FAAH2: variants seen among roughly 807,000 people sequenced by gnomAD.
FAAH2 encodes the protein fatty acid amide hydrolase 2, also known as fatty-acid amide hydrolase 2.
Under a neutral mutation model 36.9 loss-of-function variants are expected in FAAH2, and 60 were observed. The observed-to-expected ratio is 1.63, with a 90% CI of 1.32 to 2.02. The LOEUF (loss-of-function observed/expected upper bound fraction) is 2.02, where lower values mean the gene tolerates loss of function less well. Among genes scored for constraint, FAAH2 ranks in the 30% most tolerant of loss-of-function variants. FAAH2 has a pLI of 0.00. For missense variants in FAAH2, 689 were observed against 397.5 expected, an observed-to-expected ratio of 1.73 and a Z score of -6.23; for synonymous variants, 214 against 143.8, an observed-to-expected ratio of 1.49 and a Z score of -3.49.
the FAAH2 span, among the ~76,000 whole-genome samples, chrX:57,230,745 T>G: frequency 9.0e-6 from 1 of 111,445 alleles, no homozygotes. Flanking sequence ...GATCCCTTAT[T>G]ATGAGGACCT....
At chrX:57,479,560 C>T (rs779028957) in intron 10 of FAAH2, among the ~76,000 whole-genome samples, 2 of 111,448 alleles carry the variant, frequency 1.8e-5, no homozygotes, top group South Asian at 3.8e-4. Flanking sequence ...GCATCCCTGT[C>T]TTGTGCCAGT....
At chrX:57,481,053 T>G (rs1404350379) in intron 10 of FAAH2, among the ~76,000 whole-genome samples, 1 of 110,394 alleles carries the variant, frequency 9.1e-6, no homozygotes, top group Non-Finnish European at 1.9e-5. Flanking sequence ...TACTTTTGTA[T>G]GCTTCACGAA....
chrX:57,407,811 T>C (rs1006941794), intron 7 of FAAH2, among the ~76,000 whole-genome samples: 5 of 112,128 alleles, frequency 4.5e-5, no homozygotes, highest in African/African-American at 1.6e-4. Flanking sequence ...CGATCCATTT[T>C]GAGATGATTT....
the FAAH2 span, among the ~76,000 whole-genome samples, chrX:57,208,114 G>A: frequency 9.7e-3 from 1,092 of 112,485 alleles, 43 homozygotes; most frequent in Admixed American, 0.082. Context: ...GAGAGCGGTC[G>A]CTCGAGGCAC....
intron 7 of FAAH2, among the ~76,000 whole-genome samples, chrX:57,401,827 TG>T (rs1188233954): frequency 2.7e-5 from 3 of 111,462 alleles, no homozygotes; most frequent in Non-Finnish European, 3.8e-5. Flanking sequence ...CCTTCTCCTA[TG>T]TTCAGGTGTA....
the FAAH2 span, among the ~76,000 whole-genome samples, chrX:57,263,009 T>C: frequency 1.8e-5 from 2 of 111,438 alleles, no homozygotes; most frequent in East Asian, 5.6e-4. Context: ...TCACACATAA[T>C]GGTAAAAGTG....
At chrX:57,278,419 G>C in the FAAH2 span, among the ~76,000 whole-genome samples, 1 of 110,875 alleles carries the variant, frequency 9.0e-6, no homozygotes, top group South Asian at 3.8e-4. Context: ...CCTTATAGAA[G>C]AACTAATTCA....
intron 10 of FAAH2, among the ~76,000 whole-genome samples, chrX:57,475,622 A>G (rs778349533): frequency 5.4e-5 from 6 of 111,971 alleles, no homozygotes; most frequent in Non-Finnish European, 1.1e-4. Flanking sequence ...TAAGTCAGGT[A>G]GCATGATTCC....
chrX:57,166,266 G>A, the FAAH2 span, among the ~76,000 whole-genome samples: 1 of 111,411 alleles, frequency 9.0e-6, no homozygotes. Context: ...CCAAGCCCAT[G>A]TGGGATCCGA....
Position 57,447,034 on chromosome X carries a change from C to T in FAAH2, c.1223C>T (p.Ser408Phe). 8.6e-7 allele frequency: 1 copy of T among 1,166,942 alleles called. No individual in the cohort carries two copies. Among genetic ancestry groups the T allele is most frequent in the African/African-American group, 1.8e-5 (1 of 56,808 alleles). Residue 408 changes from serine to phenylalanine, a missense_variant, in exon 9 of 11, where the codon TCC becomes TTC. Coordinates refer to ENST00000374900, the MANE Select transcript of FAAH2 (RefSeq NM_174912.4). The part of the protein sequence containing the change: ...CLGLSVYTIP[S>F]IGLALLEEKL... ...GGTCTGTCAGTGTACACCATCCCTT[C>T]CATTGGTATGTAAATCATATTCTAC...
At chrX:57,456,584 G>A (rs2056868638) in intron 10 of FAAH2, among the ~76,000 whole-genome samples, 2 of 111,662 alleles carry the variant, frequency 1.8e-5, no homozygotes, top group South Asian at 3.7e-4. Flanking sequence ...ATCCAAATGA[G>A]CACAATGAGA....
intron 7 of FAAH2, among the ~76,000 whole-genome samples, chrX:57,390,881 G>T (rs2147266261): frequency 9.0e-6 from 1 of 110,875 alleles, no homozygotes; most frequent in East Asian, 2.8e-4. Flanking sequence ...GCTTTATTTT[G>T]GTTCTTTGAG....
the FAAH2 span, among the ~76,000 whole-genome samples, chrX:57,256,228 C>T: frequency 9.0e-6 from 1 of 111,394 alleles, no homozygotes; most frequent in South Asian, 3.8e-4. Context: ...ATGTGAAGGA[C>T]CTCTTCAAGG....
intron 5 of FAAH2, among the ~76,000 whole-genome samples, chrX:57,377,262 G>C (rs1258398935): frequency 8.9e-6 from 1 of 111,882 alleles, no homozygotes; most frequent in Non-Finnish European, 1.9e-5. Context: ...TTTTCTTCCA[G>C]GATTTTTATG....
chrX:57,419,730 C>T (rs1429271259), intron 7 of FAAH2, among the ~76,000 whole-genome samples: 5 of 111,687 alleles, frequency 4.5e-5, no homozygotes, highest in Non-Finnish European at 7.5e-5. Flanking sequence ...TAATTAGATC[C>T]CATTTGTCAA....
At chrX:57,459,745 G>A (rs1054326634) in intron 10 of FAAH2, among the ~76,000 whole-genome samples, 5 of 112,023 alleles carry the variant, frequency 4.5e-5, no homozygotes, top group Admixed American at 9.5e-5. Context: ...GCAGACCTGC[G>A]GAAGAGGGGC....
the FAAH2 span, among the ~76,000 whole-genome samples, chrX:57,248,444 A>AT: frequency 9.0e-6 from 1 of 111,463 alleles, no homozygotes; most frequent in Non-Finnish European, 1.9e-5. Context: ...AAGAATAGCA[A>AT]TTTTTGCACT....
chrX:57,188,837 C>A, the FAAH2 span, among the ~76,000 whole-genome samples: 2 of 110,894 alleles, frequency 1.8e-5, no homozygotes, highest in Non-Finnish European at 3.8e-5. Flanking sequence ...TTGTTTCTAC[C>A]TTCGAGAATC....
At chrX:57,204,016 C>G in the FAAH2 span, among the ~76,000 whole-genome samples, 1 of 111,363 alleles carries the variant, frequency 9.0e-6, no homozygotes, top group African/African-American at 3.3e-5. Context: ...TTTCTACCAT[C>G]TGACTGTTTT....
Sources: allele counts gnomAD v4.1 joint callset (sites outside exome capture counted in the v4.1 genomes callset), GRCh38; gene constraint gnomAD v4.1.1; transcripts MANE v1.5; gene names NCBI Gene and HGNC (gene_info 2026-07-23, HGNC 2026-07-21).